Variants in UGT1A7 observed in about 807,000 individuals in gnomAD.
The protein encoded by UGT1A7 is UDP-glucuronosyltransferase 1A7.
UGT1A7 carries 33 observed loss-of-function variants against 45.6 expected under a neutral mutation model. That is an observed-to-expected ratio of 0.72 (90% CI 0.55 to 0.97). UGT1A7 has a LOEUF of 0.97. UGT1A7 is among the 50% of genes least tolerant of loss of function. UGT1A7 has a pLI of 0.00. For missense variants in UGT1A7, 684 were observed against 666.2 expected, an observed-to-expected ratio of 1.03 and a Z score of -0.29; for synonymous variants, 274 against 250.6, an observed-to-expected ratio of 1.09 and a Z score of -0.88.
At chr2:233,721,171 T>A (rs2076925263) in intron 1 of UGT1A7, among the ~76,000 whole-genome samples, 1 of 152,236 alleles carries the variant, frequency 6.6e-6, no homozygotes, top group South Asian at 2.1e-4. Context: ...ATTTTTGTTT[T>A]TGATCAAACC....
intron 1 of UGT1A7, chr2:233,713,215 T>TC: frequency 6.2e-7 from 1 of 1,614,220 alleles, no homozygotes; most frequent in South Asian, 1.1e-5. Flanking sequence ...GAGAACTTTT[T>TC]CACCCTGACA....
At chr2:233,752,385 CAG>C (rs1206895244) in intron 1 of UGT1A7, 1 of 152,142 alleles carries the variant, frequency 6.6e-6, no homozygotes, top group Non-Finnish European at 1.5e-5. Flanking sequence ...ATCTTTGCAA[CAG>C]AGGAAATGCC....
intron 1 of UGT1A7, among the ~76,000 whole-genome samples, chr2:233,726,600 T>TACCCAG (rs1249219153): frequency 1.2e-4 from 18 of 152,200 alleles, no homozygotes; most frequent in African/African-American, 4.3e-4. Flanking sequence ...GCCCTTGTGA[T>TACCCAG]TACACTGTCC....
chr2:233,736,738 C>T (rs1478066548), intron 1 of UGT1A7, among the ~76,000 whole-genome samples: 1 of 152,114 alleles, frequency 6.6e-6, no homozygotes, highest in Non-Finnish European at 1.5e-5. Flanking sequence ...TATGCTGTTC[C>T]TTTCTGTTTG....
At chr2:233,738,846 A>G (rs1431495514) in intron 1 of UGT1A7, 1 of 152,252 alleles carries the variant, frequency 6.6e-6, no homozygotes, top group Admixed American at 6.5e-5. Context: ...AATGTTAATC[A>G]CCAAGACAAT....
Position 233,758,775 on chromosome 2 carries a change from G to C in UGT1A7, c.856-8259G>C, listed in dbSNP as rs534171239. Among the ~76,000 whole-genome samples the C allele has an allele frequency of 2.6e-5, 4 of 152,252 alleles. No individual in the cohort carries two copies. In the East Asian group the frequency reaches 7.7e-4, roughly 29 times the overall value. On this transcript the variant is annotated intron_variant, in intron 1 of 4. Coordinates refer to ENST00000373426, the MANE Select transcript of UGT1A7 (RefSeq NM_019077.3). ...AGTGATGTGTATGGTTCAAATGTTGGGATCTGTGCAGTTATCTTGGAATTG... is the reference window on the plus strand; with the variant it reads ...AGTGATGTGTATGGTTCAAATGTTGCGATCTGTGCAGTTATCTTGGAATTG...
At chr2:233,694,304 G>GT (rs35761222) in intron 1 of UGT1A7, among the ~76,000 whole-genome samples, 7,473 of 145,330 alleles carry the variant, frequency 0.051, 283 homozygotes, top group African/African-American at 0.1. Flanking sequence ...CCTGTTTTTT[G>GT]TTTTTTTTTT....
chr2:233,760,044 T>C (rs183598295), intron 1 of UGT1A7, among the ~76,000 whole-genome samples: 36 of 152,234 alleles, frequency 2.4e-4, no homozygotes, highest in East Asian at 9.6e-4. Context: ...CTTTGCTGTG[T>C]TCACTCAAGA....
In UGT1A7 at chr2:233,724,875, G is replaced by T. The variant is rs4622712; in HGVS notation, c.855+42083G>T. Among the ~76,000 whole-genome samples, 5 of 115,660 alleles carry T rather than the reference G, an allele frequency of 4.3e-5. 1 individual carries two copies. The highest frequency in any genetic ancestry group is 3.3e-4 in the South Asian group (1 of 3,000). The allele number at this position is 115,660 out of a possible 152,430, so 75.9% of individuals were successfully genotyped here. The stretch of plus-strand genomic sequence containing the variant: ...CTGGGAGGTGTAGGTTGTAGTGAGC[G>T]GAGATCACGCCACTGCACTCCAGCC... On this transcript the variant is annotated intron_variant, in intron 1 of 4. Coordinates refer to ENST00000373426, the MANE Select transcript of UGT1A7 (RefSeq NM_019077.3).
intron 1 of UGT1A7, among the ~76,000 whole-genome samples, chr2:233,758,729 C>T (rs1001839617): frequency 6.6e-6 from 1 of 152,208 alleles, no homozygotes; most frequent in African/African-American, 2.4e-5. Context: ...CCTCTAAGCA[C>T]ATCCCCAAGT....
chr2:233,710,061 T>A (rs1192849340), intron 1 of UGT1A7, among the ~76,000 whole-genome samples: 1 of 152,254 alleles, frequency 6.6e-6, no homozygotes. Context: ...CTCGGCATAA[T>A]GTCTCTTCAG....
chr2:233,747,843 G>C, intron 1 of UGT1A7: 1 of 1,613,470 alleles, frequency 6.2e-7, no homozygotes, highest in African/African-American at 1.3e-5. Context: ...CCTGCAAAGG[G>C]TCAAGAACAT....
chr2:233,702,392 C>G (rs116752666), intron 1 of UGT1A7, among the ~76,000 whole-genome samples: 1,932 of 152,128 alleles, frequency 0.013, 42 homozygotes, highest in African/African-American at 0.043. Context: ...CATTCCAGAT[C>G]ATGTTATCTA....
chr2:233,697,193 G>A (rs1354175694), intron 1 of UGT1A7, among the ~76,000 whole-genome samples: 1 of 152,116 alleles, frequency 6.6e-6, no homozygotes, highest in African/African-American at 2.4e-5. Context: ...ATTCAGCAGT[G>A]AATCCATCTG....
intron 1 of UGT1A7, chr2:233,747,106 CATG>C: frequency 1.5e-6 from 2 of 1,377,620 alleles, no homozygotes; most frequent in Non-Finnish European, 2.0e-6. Context: ...CTTCCAATTA[CATG>C]ATGATTTGCT....
Position 233,772,649 on chromosome 2 carries a change from C to A in UGT1A7, c.*90C>A, listed in dbSNP as rs1644667767. The A allele has an allele frequency of 3.2e-6, 5 of 1,548,118 alleles. No individual in the cohort carries two copies. In the Admixed American group the frequency reaches 5.9e-5, roughly 18 times the overall value. On this transcript the variant is annotated 3_prime_UTR_variant, in exon 5 of 5. Coordinates refer to ENST00000373426, the MANE Select transcript of UGT1A7 (RefSeq NM_019077.3). Reference sequence around the variant, plus strand: ...GAATCAGTGTTAAATTCATTTTATTCTTATTAAGGAAATACTTTGCATAAA... The same window carrying A: ...GAATCAGTGTTAAATTCATTTTATTATTATTAAGGAAATACTTTGCATAAA...
At chr2:233,711,952 C>T (rs2076206674) in intron 1 of UGT1A7, among the ~76,000 whole-genome samples, 1 of 152,326 alleles carries the variant, frequency 6.6e-6, no homozygotes, top group African/African-American at 2.4e-5. Context: ...ACGTTTAATT[C>T]TCCATTTTGA....
chr2:233,711,430 T>A (rs2076180899), intron 1 of UGT1A7, among the ~76,000 whole-genome samples: 1 of 152,218 alleles, frequency 6.6e-6, no homozygotes, highest in African/African-American at 2.4e-5. Context: ...GTGCTTAGGA[T>A]GCATACAGTT....
chr2:233,701,290 G>A (rs1052682506), intron 1 of UGT1A7, among the ~76,000 whole-genome samples: 2 of 152,088 alleles, frequency 1.3e-5, no homozygotes, highest in South Asian at 2.1e-4. Context: ...TTGAGGAATC[G>A]CCACACTGTC....
Sources: allele counts gnomAD v4.1 joint callset (sites outside exome capture counted in the v4.1 genomes callset), GRCh38; gene constraint gnomAD v4.1.1; transcripts MANE v1.5; gene names NCBI Gene and HGNC (gene_info 2026-07-23, HGNC 2026-07-21).